TMEM31: variants seen among roughly 807,000 people sequenced by gnomAD.
TMEM31 encodes the protein transmembrane protein 31.
Under a neutral mutation model 2.4 loss-of-function variants are expected in TMEM31, and 1 was observed. The ratio of observed to expected loss-of-function variants is 0.42; its 90% CI spans 0.15 to 1.97. The LOEUF is 1.97. Ranked by LOEUF, TMEM31 falls within the 30% of genes most tolerant of loss-of-function variation. TMEM31 has a pLI of 0.30. For synonymous variants in TMEM31, 47 were observed against 45.8 expected, an observed-to-expected ratio of 1.03 and a Z score of -0.10; for missense variants, 119 against 121.3, an observed-to-expected ratio of 0.98 and a Z score of 0.09.
At position 103,713,941 on chromosome X, in the gene TMEM31, T is replaced by C. The variant is rs1302834255; in HGVS notation, c.450T>C (p.Ile150=). ...LPTILSLSFF[I]LLVLLLLLFI... The stretch of plus-strand genomic sequence containing the variant: ...CAATTCTTTCCCTTTCTTTCTTTAT[T>C]CTTCTTGTACTTCTGCTTCTGCTTT... Residue 150 remains isoleucine (I), a synonymous_variant, in exon 3 of 3, where the codon ATT becomes ATC. Transcript: ENST00000319560. The C allele has an allele frequency of 5.0e-6, 6 of 1,209,020 alleles. No homozygotes were observed. In the Admixed American group the frequency reaches 1.3e-4, roughly 26 times the overall value.
Position 103,712,325 on chromosome X carries a change from G to A in TMEM31, c.67G>A (p.Glu23Lys), listed in dbSNP as rs2074227139. ...LKPNNSNAPN[E>K]DQEEEIQQSE... is the part of the protein sequence containing the mutation. ...GCCCAACAACTCTAATGCACCCAAT[G>A]AAGATCAAGAAGAAGAAATCCAACA... Residue 23 changes from glutamate to lysine, a missense_variant, in exon 2 of 3, where the codon GAA becomes AAA. Glu to Lys is a moderately conservative substitution (Grantham distance 56). Coordinates refer to ENST00000319560, the MANE Select transcript of TMEM31 (RefSeq NM_182541.2). 1 of 1,207,769 alleles carries A rather than the reference G, an allele frequency of 8.3e-7. No individual in the cohort carries two copies. Among genetic ancestry groups the A allele is most frequent in the African/African-American group, 1.8e-5 (1 of 56,944 alleles).
At chrX:103,712,425 GAC>G in intron 2 of TMEM31, 65 bp downstream of exon 2, 1 of 910,204 alleles carries the variant, frequency 1.1e-6, no homozygotes, top group African/African-American at 2.0e-5. Flanking sequence ...CCCCTAGAAA[GAC>G]ACCAATGCCT....
At position 103,713,649 on chromosome X, in the gene TMEM31, G is replaced by A. The variant is rs74852293; in HGVS notation, c.158G>A (p.Arg53Gln). 10 of 1,210,587 alleles carry A rather than the reference G, an allele frequency of 8.3e-6. No individual in the cohort carries two copies. The highest frequency in any genetic ancestry group is 4.4e-5 in the Admixed American group (2 of 45,810). The change falls in exon 3 of 3, where the codon CGA becomes CAA. Residue 53 changes from arginine (R) to glutamine (Q), a missense_variant. Physicochemically the swap from Arg to Gln is conservative, Grantham distance 43. Transcript: ENST00000319560. ...QRADTQPSRC[R>Q]LPSRRTPTTS... ...GCAGACACACAGCCATCCAGATGTC[G>A]ATTGCCTTCACGTAGGACACCTACA...
rs1221976495 is a variant in TMEM31 at position 103,713,947 on chromosome X, T to C, written c.456T>C (p.Leu152=). Reference sequence around the variant, plus strand: ...TTTCCCTTTCTTTCTTTATTCTTCTTGTACTTCTGCTTCTGCTTTTTATTA... The same window carrying C: ...TTTCCCTTTCTTTCTTTATTCTTCTCGTACTTCTGCTTCTGCTTTTTATTA... ...TILSLSFFIL[L]VLLLLLFIIV... is the part of the protein sequence containing the mutation. The change falls in exon 3 of 3, where the codon CTT becomes CTC. Residue 152 remains leucine, a synonymous_variant. Transcript: ENST00000319560. The C allele has an allele frequency of 5.9e-5, 71 of 1,207,752 alleles. No homozygotes were observed. The highest frequency in any genetic ancestry group is 7.7e-5 in the Non-Finnish European group (69 of 894,038).
At chrX:103,711,356 C>T (rs914151475) in intron 1 of TMEM31, among the ~76,000 whole-genome samples, 20 of 109,916 alleles carry the variant, frequency 1.8e-4, no homozygotes, top group African/African-American at 6.3e-4. Context: ...TGGTGGCGGG[C>T]GCCTGTAGTC....
At chrX:103,712,809 G>A (rs1399420370) in intron 2 of TMEM31, among the ~76,000 whole-genome samples, 1 of 112,064 alleles carries the variant, frequency 8.9e-6, no homozygotes, top group Admixed American at 9.4e-5. Flanking sequence ...GATTACAGGC[G>A]TGAGCCCCCG....
At position 103,714,030 on chromosome X, in the gene TMEM31, G is replaced by T; in HGVS notation, c.*32G>T. On this transcript the variant is annotated 3_prime_UTR_variant, in exon 3 of 3. Coordinates refer to ENST00000319560, the MANE Select transcript of TMEM31 (RefSeq NM_182541.2). ...TGTTTCAATAAACAGCAATGAGCAT[G>T]AACACTGCATTTGTCTTCCCTCTGT... 3.5e-6 allele frequency: 4 copies of T among 1,143,362 alleles called. No individual in the cohort carries two copies. The highest frequency in any genetic ancestry group is 4.6e-6 in the Non-Finnish European group (4 of 863,806). 94.2% of individuals were successfully genotyped at this position (1,143,362 alleles called of 1,213,427 possible). A position where few individuals can be genotyped will look rare whatever the true frequency, so the allele number is the denominator to read the frequency against.
rs768073774 is a variant in TMEM31, at chrX:103,712,364, A to G, written c.102+4A>G. On this transcript the variant is annotated splice_donor_region_variant and intron_variant, in intron 2 of 2. Coordinates refer to ENST00000319560, the MANE Select transcript of TMEM31 (RefSeq NM_182541.2). ...AGAAATCCAACAGTCAGAACAGGCA[A>G]GTGGTGGTTTCTCAATTCCAACTTA... is the stretch of plus-strand genomic sequence containing the variant. 8.4e-7 allele frequency: 1 copy of G among 1,196,282 alleles called. No individual in the cohort carries two copies. The highest frequency in any genetic ancestry group is 1.1e-6 in the Non-Finnish European group (1 of 887,162).
chrX:103,712,241 C>T lies in TMEM31; in HGVS notation c.-18C>T. The T allele has an allele frequency of 1.7e-6, 2 of 1,183,226 alleles. No homozygotes were observed. Among genetic ancestry groups the T allele is most frequent in the Non-Finnish European group, 2.3e-6 (2 of 877,331 alleles). On this transcript the variant is annotated 5_prime_UTR_variant, in exon 2 of 3. Transcript: ENST00000319560. Reference sequence around the variant, plus strand: ...TTTCTTTTATATTTCCCCAGGTGATCACTTTACTGTAGAAGAAATGAGGTT... The same window carrying T: ...TTTCTTTTATATTTCCCCAGGTGATTACTTTACTGTAGAAGAAATGAGGTT...
rs1439085318 is a variant in TMEM31, at chrX:103,712,530, C to A, written c.102+170C>A. Among the ~76,000 whole-genome samples the A allele has an allele frequency of 2.7e-5, 3 of 111,978 alleles. 1 individual carries two copies. The highest frequency in any genetic ancestry group is 9.7e-5 in the African/African-American group (3 of 30,771). On this transcript the variant is annotated intron_variant, in intron 2 of 2. Coordinates refer to ENST00000319560, the MANE Select transcript of TMEM31 (RefSeq NM_182541.2). ...GAGCAATTACTACTCAAAGCAATCT[C>A]TTTTTATTTATTTATTTATTTACTT...
At chrX:103,711,452 A>C (rs768146076) in intron 1 of TMEM31, among the ~76,000 whole-genome samples, 38 of 103,337 alleles carry the variant, frequency 3.7e-4, no homozygotes, top group East Asian at 2.1e-3. Context: ...CCACTGCACT[A>C]CAGCCTGGGC....
intron 2 of TMEM31, among the ~76,000 whole-genome samples, chrX:103,713,249 C>A (rs1405193024): frequency 9.0e-6 from 1 of 111,532 alleles, no homozygotes; most frequent in African/African-American, 3.3e-5. Context: ...CGCTACCACG[C>A]CCGGCTAATT....
chrX:103,712,528 CTCTT>C (rs1168686870), intron 2 of TMEM31, among the ~76,000 whole-genome samples, 168 bp downstream of exon 2: 2 of 111,950 alleles, frequency 1.8e-5, no homozygotes. Flanking sequence ...TCAAAGCAAT[CTCTT>C]TTTATTTATT....
At position 103,712,282 on chromosome X, in the gene TMEM31, G is replaced by A. The variant is rs1458338310; in HGVS notation, c.24G>A (p.Glu8=). 3.3e-6 allele frequency: 4 copies of A among 1,209,436 alleles called. No homozygotes were observed. The East Asian group carries it at 8.9e-5, about 27-fold the overall frequency. Residue 8 remains glutamate (E), a synonymous_variant, in exon 2 of 3, where the codon GAG becomes GAA. Coordinates refer to ENST00000319560, the MANE Select transcript of TMEM31 (RefSeq NM_182541.2). ...AAATGAGGTTAACAGAAAAGAGTGAGGGAGAACAACAACTCAAGCCCAACA... is the reference window on the plus strand; with the variant it reads ...AAATGAGGTTAACAGAAAAGAGTGAAGGAGAACAACAACTCAAGCCCAACA... MRLTEKS[E]GEQQLKPNNS...
chrX:103,712,201 G>T, intron 1 of TMEM31, 35 bp from the exon 2 acceptor site: 1 of 1,101,445 alleles, frequency 9.1e-7, no homozygotes, highest in Non-Finnish European at 1.2e-6. Flanking sequence ...TGCCTCTGTT[G>T]TCATGACGAC....
Position 103,713,749 on chromosome X carries a change from A to G in TMEM31, c.258A>G (p.Arg86=). The change falls in exon 3 of 3, where the codon CGA becomes CGG. Residue 86 remains arginine (R), a synonymous_variant. Coordinates refer to ENST00000319560, the MANE Select transcript of TMEM31 (RefSeq NM_182541.2). ...WPTEWIFNPY[R]LPALFELYPE... The stretch of plus-strand genomic sequence containing the variant: ...CTGAGTGGATTTTCAACCCCTATCG[A>G]TTGCCTGCTCTTTTTGAGCTTTATC... 8.3e-7 allele frequency: 1 copy of G among 1,211,077 alleles called. No individual in the cohort carries two copies. Among genetic ancestry groups the G allele is most frequent in the Non-Finnish European group, 1.1e-6 (1 of 895,385 alleles).
intron 1 of TMEM31, among the ~76,000 whole-genome samples, chrX:103,711,868 C>G (rs1232197126): frequency 8.9e-6 from 1 of 111,788 alleles, no homozygotes; most frequent in Non-Finnish European, 1.9e-5. Context: ...GAGGAGAGAA[C>G]ATTCCTTGTG....
Position 103,713,862 on chromosome X carries a change from T to C in TMEM31, c.371T>C (p.Ile124Thr). The C allele has an allele frequency of 2.5e-6, 3 of 1,212,119 alleles. No homozygotes were observed. The highest frequency in any genetic ancestry group is 3.0e-5 in the East Asian group (1 of 33,864). Reference sequence around the variant, plus strand: ...ATGGAAAAGATCGGACTGCCCATCATACTCCACCTCTTCGCACTCTCCACC... The same window carrying C: ...ATGGAAAAGATCGGACTGCCCATCACACTCCACCTCTTCGCACTCTCCACC... The part of the protein sequence containing the change: ...AQMEKIGLPI[I>T]LHLFALSTLY... The change falls in exon 3 of 3, where the codon ATA becomes ACA. Residue 124 changes from isoleucine to threonine, a missense_variant. Ile to Thr is a moderately conservative substitution (Grantham distance 89). Transcript: ENST00000319560.
intron 1 of TMEM31, among the ~76,000 whole-genome samples, chrX:103,711,280 C>T (rs1179378389): frequency 9.1e-6 from 1 of 110,255 alleles, no homozygotes; most frequent in African/African-American, 3.3e-5. Context: ...GTCAGGATAT[C>T]GAGACCATCC....
Sources: gnomAD v4.1 joint callset for allele counts (sites outside exome capture counted in the v4.1 genomes callset) on GRCh38, gnomAD v4.1.1 for gene constraint, MANE v1.5 for transcripts, NCBI Gene and HGNC (gene_info 2026-07-23, HGNC 2026-07-21) for gene names.